Variants in SPTB observed in about 807,000 individuals in gnomAD.
SPTB encodes the protein spectrin beta chain, erythrocytic.
SPTB carries 45 observed loss-of-function variants against 256.2 expected under a neutral mutation model. The observed-to-expected ratio is 0.18, with a 90% CI of 0.14 to 0.23. The LOEUF is 0.23. Among genes scored for constraint, SPTB ranks in the 10% least tolerant of loss-of-function variants. SPTB has a pLI of 1.00. For synonymous variants in SPTB, 1,231 were observed against 1,243.1 expected, an observed-to-expected ratio of 0.99 and a Z score of 0.21; for missense variants, 2,715 against 3,040.4, an observed-to-expected ratio of 0.89 and a Z score of 2.52.
rs764588479 is a variant in SPTB at position 64,772,873 on chromosome 14, T to C, written c.5260A>G (p.Ile1754Val). The C allele has an allele frequency of 3.7e-6, 6 of 1,610,844 alleles. No individual in the cohort carries two copies. The Middle Eastern group carries it at 5.0e-4, about 133-fold the overall frequency. ...QERVDNVNAFIERLIDAGHSE... is the reference protein window; with the variant it reads ...QERVDNVNAFVERLIDAGHSE... Reference sequence around the variant, plus strand: ...TGGCCCGCGTCGATGAGTCGCTCGATGAAGGCATTCACATTGTCCACCCGC... The same window carrying C: ...TGGCCCGCGTCGATGAGTCGCTCGACGAAGGCATTCACATTGTCCACCCGC... The change falls in exon 26 of 36, where the codon ATC becomes GTC. Residue 1754 changes from isoleucine to valine, a missense_variant. Transcript: ENST00000644917. The surrounding 1 kb of genome is among the most constrained non-coding windows in gnomAD (Gnocchi z 5.4).
rs752454815 is a variant in SPTB at position 64,773,235 on chromosome 14, G to T, written c.5163C>A (p.Asp1721Glu). ...GGCTACTCACAGTCACGTGGTCAAA[G>T]TCTTGCCCCATTTCCGGGGAAGAGG... is the stretch of plus-strand genomic sequence containing the variant. ...LVASSPEMGQ[D>E]FDHVTLLRDK... The change falls in exon 25 of 36, where the codon GAC (aspartate) becomes GAA (glutamate). Residue 1721 changes from aspartate (D) to glutamate (E), a missense_variant. Around this residue, in one of 4 missense-constraint regions of SPTB, gnomAD observed 2,239 missense variants for 2,384.4 expected, o/e 0.94. Transcript: ENST00000644917. 6.2e-6 allele frequency: 10 copies of T among 1,614,144 alleles called. No individual in the cohort carries two copies. The highest frequency in any genetic ancestry group is 8.5e-6 in the Non-Finnish European group (10 of 1,180,066).
In SPTB at chr14:64,759,477, G is replaced by A. The variant is rs1342826237; in HGVS notation, c.6346-5684C>T. 6.6e-6 allele frequency among the ~76,000 whole-genome samples: 1 copy of A among 152,212 alleles called. No individual in the cohort carries two copies. Among genetic ancestry groups the A allele is most frequent in the Non-Finnish European group, 1.5e-5 (1 of 68,038 alleles). Reference sequence around the variant, plus strand: ...GGACCCACCTCCCCTGAGCCTCAAGGCTAATAAGAGGGGATGAGGGGAGGC... The same window carrying A: ...GGACCCACCTCCCCTGAGCCTCAAGACTAATAAGAGGGGATGAGGGGAGGC... On this transcript the variant is annotated intron_variant, in intron 32 of 35. Transcript: ENST00000644917. The surrounding 1 kb of genome is among the most constrained non-coding windows in gnomAD (Gnocchi z 4.8).
At position 64,787,014 on chromosome 14, in the gene SPTB, C is replaced by T. The variant is rs543732559; in HGVS notation, c.2951G>A (p.Gly984Glu). 1.9e-6 allele frequency: 3 copies of T among 1,614,160 alleles called. No homozygotes were observed. Among genetic ancestry groups the T allele is most frequent in the Middle Eastern group, 1.6e-4 (1 of 6,062 alleles). Residue 984 changes from glycine to glutamate, a missense_variant, in exon 16 of 36, where the codon GGG becomes GAG. By Grantham distance (98) the Gly-to-Glu change is moderately conservative. This residue lies in a region of SPTB where 2,239 missense variants were observed against 2,384.4 expected (regional missense o/e 0.94). Coordinates refer to ENST00000644917, the MANE Select transcript of SPTB (RefSeq NM_001355436.2). The stretch of plus-strand genomic sequence containing the variant: ...GGCGATGATACCTGCCAGGTCCCGC[C>T]CCAGGTCTTTTGTGGACTCCACTAC... ...TKVVESTKDL[G>E]RDLAGIIAIQ...
At chr14:64,771,593 C>T (rs1180807373) in intron 26 of SPTB, among the ~76,000 whole-genome samples, 1 of 152,170 alleles carries the variant, frequency 6.6e-6, no homozygotes, top group Non-Finnish European at 1.5e-5. Context: ...TTGCACCGTG[C>T]TCCTGAGTCC....
intron 1 of SPTB, among the ~76,000 whole-genome samples, chr14:64,877,581 T>C (rs1882885131): frequency 6.6e-6 from 1 of 152,226 alleles, no homozygotes; most frequent in South Asian, 2.1e-4. Context: ...AATTGGATAA[T>C]ATAGAGAAAA....
chr14:64,821,413 CT>C (rs1254496282), intron 2 of SPTB, among the ~76,000 whole-genome samples: 1 of 152,104 alleles, frequency 6.6e-6, no homozygotes, highest in East Asian at 1.9e-4. Context: ...ACCTTGGTTT[CT>C]TAAAAAAGAT....
intron 1 of SPTB, among the ~76,000 whole-genome samples, chr14:64,835,803 C>A (rs536984495): frequency 1.3e-5 from 2 of 152,354 alleles, no homozygotes; most frequent in South Asian, 4.1e-4. Flanking sequence ...CCCACACTCA[C>A]AAACTGTTAG....
chr14:64,762,890 A>T (rs2082114019), intron 32 of SPTB, among the ~76,000 whole-genome samples: 2 of 152,342 alleles, frequency 1.3e-5, no homozygotes, highest in East Asian at 3.9e-4. Context: ...TTTATCCCAC[A>T]CAGTGAGCCC....
In SPTB at chr14:64,824,527, A is replaced by G. The variant is rs912372972; in HGVS notation, c.-51-1382T>C. On this transcript the variant is annotated intron_variant, in intron 1 of 35. Transcript: ENST00000644917. This position sits in a 1 kb window ranked among gnomAD's most constrained non-coding sequence, Gnocchi z 5.7. The stretch of plus-strand genomic sequence containing the variant: ...TTTCTAGGGATCTTAAGGGACTCCA[A>G]GATCAAGTCTGTAAGAGAATAGGGG... Among the ~76,000 whole-genome samples, 1 of 152,142 alleles carries G rather than the reference A, an allele frequency of 6.6e-6. No individual in the cohort carries two copies. The highest frequency in any genetic ancestry group is 1.5e-5 in the Non-Finnish European group (1 of 68,018).
Position 64,816,826 on chromosome 14 carries a change from G to A in SPTB, c.148+6121C>T, listed in dbSNP as rs1348050151. Reference sequence around the variant, plus strand: ...CCTCCTCAGCCAAGAAGCATGTGGGGGACACATGGGGCAGGGAGAATGGGT... The same window carrying A: ...CCTCCTCAGCCAAGAAGCATGTGGGAGACACATGGGGCAGGGAGAATGGGT... On this transcript the variant is annotated intron_variant, in intron 2 of 35. Transcript: ENST00000644917. This position sits in a 1 kb window ranked among gnomAD's most constrained non-coding sequence, Gnocchi z 4.2. Among the ~76,000 whole-genome samples the A allele has an allele frequency of 6.6e-6, 1 of 151,518 alleles. No individual in the cohort carries two copies. Among genetic ancestry groups the A allele is most frequent in the African/African-American group, 2.4e-5 (1 of 40,884 alleles).
At position 64,779,626 on chromosome 14, in the gene SPTB, T is replaced by C; in HGVS notation, c.4473+99A>G. The stretch of plus-strand genomic sequence containing the variant: ...ATGAGATAAGGGGTGAGGTGACCAG[T>C]CATCTACTGCCAAAAATTGCTCTGG... On this transcript the variant is annotated intron_variant, in intron 21 of 35. Transcript: ENST00000644917. The surrounding 1 kb of genome is among the most constrained non-coding windows in gnomAD (Gnocchi z 4.2). 8.0e-7 allele frequency: 1 copy of C among 1,248,276 alleles called. No homozygotes were observed. The highest frequency in any genetic ancestry group is 2.3e-5 in the East Asian group (1 of 43,162). 77.3% of individuals were successfully genotyped at this position (1,248,276 alleles called of 1,614,324 possible).
intron 15 of SPTB, among the ~76,000 whole-genome samples, 195 bp downstream of exon 15, chr14:64,791,524 C>G (rs2139585937): frequency 6.8e-6 from 1 of 147,026 alleles, no homozygotes; most frequent in East Asian, 2.0e-4. Flanking sequence ...CGAGATCGCA[C>G]CACTGCACTC....
At position 64,782,308 on chromosome 14, in the gene SPTB, C is replaced by A; in HGVS notation, c.4248G>T (p.Arg1416=). Residue 1416 remains arginine, a synonymous_variant, in exon 20 of 36, where the codon CGG becomes CGT. Transcript: ENST00000644917. ...CACGTGCCTTCAGCTTAGCCAACAT[C>A]CGATTGACACTGGTCAGGTCCTTGC... ...DPGKDLTSVN[R]MLAKLKRVED... is the part of the protein sequence containing the mutation. The A allele has an allele frequency of 6.2e-7, 1 of 1,614,246 alleles. No individual in the cohort carries two copies. Among genetic ancestry groups the A allele is most frequent in the Non-Finnish European group, 8.5e-7 (1 of 1,180,046 alleles).
chr14:64,844,779 T>C lies in SPTB; in HGVS notation c.-51-21634A>G, dbSNP rs143509743. On this transcript the variant is annotated intron_variant, in intron 1 of 35. Coordinates refer to ENST00000644917, the MANE Select transcript of SPTB (RefSeq NM_001355436.2). This position sits in a 1 kb window ranked among gnomAD's most constrained non-coding sequence, Gnocchi z 4.1. ...CTCCCTATCCCATTTCTACTAAAAA[T>C]AGCCCAACATTTCCAAAATACATCC... Among the ~76,000 whole-genome samples the C allele has an allele frequency of 1.5e-3, 228 of 152,330 alleles. 2 individuals carry two copies. The highest frequency in any genetic ancestry group is 2.6e-3 in the Non-Finnish European group (176 of 68,012).
rs984541126 is a variant in SPTB at position 64,852,951 on chromosome 14, C to T, written c.-52+26841G>A. The stretch of plus-strand genomic sequence containing the variant: ...TAATTTACACATTGCAGAGTGCTGC[C>T]GAGGAGACGTATAGGTACTAGGCAA... On this transcript the variant is annotated intron_variant, in intron 1 of 35. Coordinates refer to ENST00000644917, the MANE Select transcript of SPTB (RefSeq NM_001355436.2). This position sits in a 1 kb window ranked among gnomAD's most constrained non-coding sequence, Gnocchi z 4.2. Among the ~76,000 whole-genome samples, 3 of 152,054 alleles carry T rather than the reference C, an allele frequency of 2.0e-5. No homozygotes were observed. The highest frequency in any genetic ancestry group is 2.9e-5 in the Non-Finnish European group (2 of 68,014).
chr14:64,763,966 G>A (rs577785992), intron 32 of SPTB: 28 of 493,642 alleles, frequency 5.7e-5, no homozygotes, highest in Admixed American at 5.2e-4. Flanking sequence ...CCAGACAGGA[G>A]CAGGGGTGCC....
chr14:64,772,309 G>A lies in SPTB; in HGVS notation c.5553+271C>T, dbSNP rs1441827998. ...CTGGTGCTAGAAAAGTGCTGTGCGTGTGTCCACTAATAGTACTGCACAACT... is the reference window on the plus strand; with the variant it reads ...CTGGTGCTAGAAAAGTGCTGTGCGTATGTCCACTAATAGTACTGCACAACT... On this transcript the variant is annotated intron_variant, in intron 26 of 35. Transcript: ENST00000644917. This position sits in a 1 kb window ranked among gnomAD's most constrained non-coding sequence, Gnocchi z 5.4. Among the ~76,000 whole-genome samples the A allele has an allele frequency of 6.6e-6, 1 of 152,246 alleles. No individual in the cohort carries two copies. Among genetic ancestry groups the A allele is most frequent in the Non-Finnish European group, 1.5e-5 (1 of 68,046 alleles).
intron 8 of SPTB, among the ~76,000 whole-genome samples, chr14:64,800,485 C>G (rs2082862349): frequency 6.6e-6 from 1 of 152,130 alleles, no homozygotes; most frequent in Non-Finnish European, 1.5e-5. Context: ...CTGGAGGGTT[C>G]CTGTGGGGAT....
At chr14:64,789,453 A>G (rs1220497953) in intron 15 of SPTB, among the ~76,000 whole-genome samples, 3 of 152,180 alleles carry the variant, frequency 2.0e-5, no homozygotes, top group African/African-American at 7.2e-5. Flanking sequence ...TCAAGTGGTG[A>G]TAAGCGCAAA....
Sources: allele counts gnomAD v4.1 joint callset (sites outside exome capture counted in the v4.1 genomes callset), GRCh38; gene constraint gnomAD v4.1.1; regional missense constraint gnomAD v4.1.1; non-coding constraint Gnocchi (gnomAD v3.1); transcripts MANE v1.5; gene names NCBI Gene and HGNC (gene_info 2026-07-23, HGNC 2026-07-21).